TMTC1: variants seen among roughly 807,000 people sequenced by gnomAD.
TMTC1 encodes the protein protein O-mannosyl-transferase TMTC1.
Under a neutral mutation model 104.8 loss-of-function variants are expected in TMTC1, and 73 were observed. The observed-to-expected ratio is 0.70, with a 90% CI of 0.58 to 0.85. The LOEUF is 0.85. TMTC1 is among the 40% of genes least tolerant of loss of function. The probability of loss-of-function intolerance (pLI) is 0.00; values close to 1 mark genes in which losing one functional copy is unlikely to be tolerated. For missense variants in TMTC1, 1,035 were observed against 1,096.1 expected, an observed-to-expected ratio of 0.94 and a Z score of 0.79; for synonymous variants, 434 against 428.7, an observed-to-expected ratio of 1.01 and a Z score of -0.15.
At chr12:29,645,159 A>C (rs1156919198) in intron 5 of TMTC1, among the ~76,000 whole-genome samples, 1 of 152,230 alleles carries the variant, frequency 6.6e-6, no homozygotes, top group Non-Finnish European at 1.5e-5. Flanking sequence ...AATGCCTTAG[A>C]ATCTGGAAAT....
At chr12:29,645,755 C>G (rs1029573119) in intron 5 of TMTC1, among the ~76,000 whole-genome samples, 3 of 152,214 alleles carry the variant, frequency 2.0e-5, no homozygotes, top group Admixed American at 1.3e-4. Flanking sequence ...GAACTGACTG[C>G]TGACCACGCA....
At chr12:29,715,540 T>G (rs561611447) in intron 5 of TMTC1, among the ~76,000 whole-genome samples, 2 of 152,352 alleles carry the variant, frequency 1.3e-5, no homozygotes, top group Admixed American at 1.3e-4. Context: ...ACAGTTACAT[T>G]GTATTTATTA....
chr12:29,659,170 A>G (rs1046971485), intron 5 of TMTC1, among the ~76,000 whole-genome samples: 4 of 152,210 alleles, frequency 2.6e-5, no homozygotes, highest in Non-Finnish European at 4.4e-5. Flanking sequence ...TTCTCTGCAC[A>G]CTGTTCTGTA....
intron 10 of TMTC1, among the ~76,000 whole-genome samples, chr12:29,554,082 C>T (rs141027595): frequency 5.9e-5 from 9 of 152,196 alleles, no homozygotes; most frequent in Admixed American, 5.2e-4. Flanking sequence ...ATAACCAGTA[C>T]GTTATTTGGG....
intron 11 of TMTC1, chr12:29,535,909 A>G: frequency 3.4e-6 from 1 of 295,590 alleles, no homozygotes; most frequent in Non-Finnish European, 6.2e-6. Flanking sequence ...AAATATTACA[A>G]GTAAGTGGTA....
chr12:29,729,236 C>T (rs1296611010), intron 5 of TMTC1, among the ~76,000 whole-genome samples: 1 of 151,476 alleles, frequency 6.6e-6, no homozygotes, highest in Admixed American at 6.6e-5. Flanking sequence ...CACTATTGTT[C>T]AAATTATGTT....
intron 8 of TMTC1, among the ~76,000 whole-genome samples, chr12:29,575,642 T>C (rs1945802187): frequency 1.3e-5 from 2 of 151,864 alleles, no homozygotes; most frequent in African/African-American, 4.8e-5. Context: ...AAACAGACCA[T>C]CTGAAAGCAG....
chr12:29,536,205 T>G lies in TMTC1; in HGVS notation c.1785+4A>C. ...TGAAAAAAACTACTGTGTGAAACAA[T>G]TACCTGCTCAGCCAATAACGAAGCT... is the stretch of plus-strand genomic sequence containing the variant. On this transcript the variant is annotated splice_donor_region_variant and intron_variant, in intron 11 of 17. Transcript: ENST00000539277. 2 of 1,585,040 alleles carry G rather than the reference T, an allele frequency of 1.3e-6. No individual in the cohort carries two copies. Among genetic ancestry groups the G allele is most frequent in the South Asian group, 1.1e-5 (1 of 90,178 alleles).
intron 5 of TMTC1, among the ~76,000 whole-genome samples, chr12:29,718,151 G>C (rs1008939829): frequency 1.3e-5 from 2 of 152,132 alleles, no homozygotes; most frequent in African/African-American, 4.8e-5. Flanking sequence ...CTGTACACAA[G>C]ATTGAAAATA....
intron 10 of TMTC1, among the ~76,000 whole-genome samples, chr12:29,539,284 C>T (rs1015712322): frequency 2.6e-5 from 4 of 152,042 alleles, no homozygotes; most frequent in South Asian, 2.1e-4. Context: ...TATTATAGCA[C>T]GTTTCTCTGA....
Position 29,783,705 on chromosome 12 carries a change from G to A in TMTC1, c.47C>T (p.Pro16Leu), listed in dbSNP as rs1323883950. ...TAGCCCGCAGCCCCGCCGCCGGGAG[G>A]GTGTGCGGTCCCCGCCGCCGCCTCG... Reference protein sequence around the residue: ...SARGGGGDRTPSRRRGCGLAP... With the variant: ...SARGGGGDRTLSRRRGCGLAP... Residue 16 changes from proline (P) to leucine (L), a missense_variant, in exon 1 of 18, where the codon CCC becomes CTC. By Grantham distance (98) the Pro-to-Leu change is moderately conservative. Coordinates refer to ENST00000539277, the MANE Select transcript of TMTC1 (RefSeq NM_001193451.2). This position sits in a 1 kb window ranked among gnomAD's most constrained non-coding sequence, Gnocchi z 4.7. 19 of 1,246,816 alleles carry A rather than the reference G, an allele frequency of 1.5e-5. No homozygotes were observed. Among genetic ancestry groups the A allele is most frequent in the Admixed American group, 4.3e-5 (1 of 23,036 alleles). The allele number at this position is 1,246,816 out of a possible 1,614,324, so 77.2% of individuals were successfully genotyped here.
intron 7 of TMTC1, among the ~76,000 whole-genome samples, chr12:29,601,546 T>C (rs1946565226): frequency 6.6e-6 from 1 of 152,070 alleles, no homozygotes; most frequent in African/African-American, 2.4e-5. Context: ...TGTGTAGATT[T>C]TCTTCTTATT....
intron 5 of TMTC1, among the ~76,000 whole-genome samples, chr12:29,694,466 T>C (rs758497394): frequency 6.6e-6 from 1 of 152,226 alleles, no homozygotes; most frequent in Non-Finnish European, 1.5e-5. Context: ...TAATACCTAA[T>C]ACAATGTAAA....
intron 4 of TMTC1, among the ~76,000 whole-genome samples, chr12:29,754,165 TA>T (rs1392552443): frequency 9.1e-6 from 1 of 110,152 alleles, no homozygotes; most frequent in Admixed American, 1.1e-4. Flanking sequence ...ACGCCCAGCC[TA>T]AAAGTTTCTT....
In TMTC1 at chr12:29,506,122, C is replaced by G. The variant is rs1397560749; in HGVS notation, c.*724G>C. ...GAGTAGAACCACCACTCTAGTAATA[C>G]TTGTAATAAAATTAAAATAGTTTTA... is the stretch of plus-strand genomic sequence containing the variant. On this transcript the variant is annotated 3_prime_UTR_variant, in exon 18 of 18. Transcript: ENST00000539277. The G allele has an allele frequency of 6.6e-6, 1 of 152,048 alleles. No homozygotes were observed. The highest frequency in any genetic ancestry group is 6.6e-5 in the Admixed American group (1 of 15,260). The allele number at this position is 152,048 out of a possible 1,614,324, so 9.4% of individuals were successfully genotyped here. A position where few individuals can be genotyped will look rare whatever the true frequency, so the allele number is the denominator to read the frequency against.
At chr12:29,648,978 A>C (rs1285812950) in intron 5 of TMTC1, among the ~76,000 whole-genome samples, 2 of 151,982 alleles carry the variant, frequency 1.3e-5, no homozygotes, top group East Asian at 3.9e-4. Flanking sequence ...CCTCTGGTGG[A>C]CTGCAAGGAT....
At position 29,516,375 on chromosome 12, in the gene TMTC1, A is replaced by G. The variant is rs1173785624; in HGVS notation, c.2281T>C (p.Tyr761His). The change falls in exon 15 of 18, where the codon TAT (tyrosine) becomes CAT (histidine). Residue 761 changes from tyrosine to histidine, a missense_variant. Transcript: ENST00000539277. ...TTGTCGTGGTTCTCCTGCTTGCTAT[A>G]GATGGCTGACAAGAGGCGATAGCAT... is the stretch of plus-strand genomic sequence containing the variant. ...LECYRLLSAI[Y>H]SKQENHDKAL... The G allele has an allele frequency of 1.2e-6, 2 of 1,613,740 alleles. No homozygotes were observed. The highest frequency in any genetic ancestry group is 2.7e-5 in the African/African-American group (2 of 74,910).
intron 5 of TMTC1, among the ~76,000 whole-genome samples, chr12:29,666,988 C>G (rs946451798): frequency 2.6e-5 from 4 of 152,092 alleles, no homozygotes; most frequent in Non-Finnish European, 5.9e-5. Flanking sequence ...AACAGAAATG[C>G]AGATTTACTG....
chr12:29,651,124 T>C (rs2136599667), intron 5 of TMTC1, among the ~76,000 whole-genome samples: 1 of 152,278 alleles, frequency 6.6e-6, no homozygotes, highest in African/African-American at 2.4e-5. Context: ...GTGATGTGGG[T>C]CCCTTGAGGC....
Sources: gnomAD v4.1 joint callset for allele counts (sites outside exome capture counted in the v4.1 genomes callset) on GRCh38, gnomAD v4.1.1 for gene constraint, Gnocchi (gnomAD v3.1) non-coding constraint, MANE v1.5 for transcripts, NCBI Gene and HGNC (gene_info 2026-07-23, HGNC 2026-07-21) for gene names.